The following EXOC1 variants were observed in gnomAD, a reference collection of about 807,000 sequenced individuals.
EXOC1 encodes the protein exocyst complex component 1, also known as SEC3-like 1.
A neutral mutation model predicts 107.7 loss-of-function variants in EXOC1; 67 were observed. The ratio of observed to expected loss-of-function variants is 0.62; its 90% CI spans 0.51 to 0.76. The LOEUF (loss-of-function observed/expected upper bound fraction) is 0.76, where lower values mean the gene tolerates loss of function less well. Ranked by LOEUF, EXOC1 falls within the 30% of genes least tolerant of loss-of-function variation. EXOC1 has a pLI of 0.00. For synonymous variants in EXOC1, 348 were observed against 353.5 expected (o/e 0.98, Z 0.17); for missense variants, 833 against 1,055.7 (o/e 0.79, Z 2.92).
chr4:55,901,480 A>G (rs1725906897), intron 17 of EXOC1, among the ~76,000 whole-genome samples: 1 of 152,076 alleles, frequency 6.6e-6, no homozygotes. Flanking sequence ...GTATATATAT[A>G]AAAGAAGACC....
At chr4:55,894,363 C>T (rs1236396864) in intron 15 of EXOC1, among the ~76,000 whole-genome samples, 1 of 151,070 alleles carries the variant, frequency 6.6e-6, no homozygotes, top group Admixed American at 6.6e-5. Flanking sequence ...TCACTGACAT[C>T]TCAGTTTATT....
chr4:55,874,167 A>T (rs1722686768), intron 8 of EXOC1, among the ~76,000 whole-genome samples: 1 of 152,178 alleles, frequency 6.6e-6, no homozygotes, highest in Admixed American at 6.5e-5. Flanking sequence ...CATGCAATAC[A>T]GTTTATAGCA....
At chr4:55,873,384 T>C (rs932065648) in intron 8 of EXOC1, among the ~76,000 whole-genome samples, 7 of 152,174 alleles carry the variant, frequency 4.6e-5, no homozygotes, top group African/African-American at 1.7e-4. Flanking sequence ...GAAATACTAA[T>C]TCATGTTTTT....
At chr4:55,883,773 T>C (rs1226110334) in intron 9 of EXOC1, 50 bp from the exon 10 acceptor site, 1 of 1,172,584 alleles carries the variant, frequency 8.5e-7, no homozygotes, top group East Asian at 2.9e-5. Flanking sequence ...AAAATTGAAA[T>C]TGTTATATGT....
intron 10 of EXOC1, among the ~76,000 whole-genome samples, chr4:55,884,368 TCTTA>T (rs1723679267): frequency 6.6e-6 from 1 of 152,324 alleles, no homozygotes; most frequent in South Asian, 2.1e-4. Flanking sequence ...GTTCCTGGCT[TCTTA>T]CTTCTCACTG....
rs764049101 is a variant in EXOC1, at chr4:55,883,885, A to T, written c.1287A>T (p.Ala429=). The T allele has an allele frequency of 3.1e-6, 5 of 1,608,434 alleles. No homozygotes were observed. The South Asian group carries it at 5.6e-5, about 18-fold the overall frequency. ...EREIKDFFEV[A]KIKMTGTTKE... ...AAATCAAAGATTTCTTTGAAGTTGC[A>T]AAGATCAAGATGACTGGCACAACTA... Residue 429 remains alanine (A), a synonymous_variant, in exon 10 of 19, where the codon GCA becomes GCT. Coordinates refer to ENST00000381295, the MANE Select transcript of EXOC1 (RefSeq NM_001024924.2).
At chr4:55,862,345 C>G (rs1721557440) in intron 3 of EXOC1, among the ~76,000 whole-genome samples, 1 of 151,408 alleles carries the variant, frequency 6.6e-6, no homozygotes, top group African/African-American at 2.4e-5. Flanking sequence ...TATGTAGGCA[C>G]CTTGGTGTGT....
At chr4:55,901,753 C>T (rs1329283357) in intron 17 of EXOC1, among the ~76,000 whole-genome samples, 1 of 152,080 alleles carries the variant, frequency 6.6e-6, no homozygotes, top group Non-Finnish European at 1.5e-5. Context: ...ACCTCATACA[C>T]TGTTGACAGA....
chr4:55,891,590 CA>C (rs1469371984), intron 13 of EXOC1, among the ~76,000 whole-genome samples, 168 bp downstream of exon 13: 1 of 151,956 alleles, frequency 6.6e-6, no homozygotes, highest in African/African-American at 2.4e-5. Context: ...TGTAATACCA[CA>C]AGATGATAAA....
At chr4:55,889,341 A>C (rs1275593450) in intron 11 of EXOC1, among the ~76,000 whole-genome samples, 1 of 152,198 alleles carries the variant, frequency 6.6e-6, no homozygotes, top group Non-Finnish European at 1.5e-5. Flanking sequence ...GATATTCAGG[A>C]AGGATGTTTT....
rs1723051353 is a variant in EXOC1 at position 55,877,947 on chromosome 4, C to T, written c.1105C>T (p.His369Tyr). Residue 369 changes from histidine (H) to tyrosine (Y), a missense_variant, in exon 9 of 19, where the codon CAC becomes TAC. By Grantham distance (83) the His-to-Tyr change is moderately conservative. Coordinates refer to ENST00000381295, the MANE Select transcript of EXOC1 (RefSeq NM_001024924.2). The stretch of plus-strand genomic sequence containing the variant: ...TGATCAGAGTTCGACTCTTGCCCAA[C>T]ACTCTGTTGAACTGACTTTACCCAA... ...GHDQSSTLAQ[H>Y]SVELTLPNHH... The T allele has an allele frequency of 1.2e-6, 2 of 1,613,842 alleles. No homozygotes were observed. Among genetic ancestry groups the T allele is most frequent in the Non-Finnish European group, 1.7e-6 (2 of 1,179,860 alleles).
At chr4:55,892,798 C>A in intron 14 of EXOC1, 87 bp downstream of exon 14, 1 of 1,255,732 alleles carries the variant, frequency 8.0e-7, no homozygotes, top group Non-Finnish European at 1.2e-6. Flanking sequence ...CTAGATGTTT[C>A]TCAGTAGCCT....
chr4:55,883,591 GA>G (rs1168683144), intron 9 of EXOC1: 2 of 337,320 alleles, frequency 5.9e-6, no homozygotes, highest in Admixed American at 9.9e-5. Flanking sequence ...ATAGAAAAAT[GA>G]AAATATAAAT....
chr4:55,883,821 A>T lies in EXOC1; in HGVS notation c.1225-2A>T. 1 of 1,546,466 alleles carries T rather than the reference A, an allele frequency of 6.5e-7. No homozygotes were observed. Among genetic ancestry groups the T allele is most frequent in the East Asian group, 2.3e-5 (1 of 43,188 alleles). On this transcript the variant is annotated splice_acceptor_variant, in intron 9 of 18. Transcript: ENST00000381295. LOFTEE classifies it high-confidence loss of function. Reference sequence around the variant, plus strand: ...AGAAGTACATGTTACTTTTATTTTAAGAATTACATGGATTATTTATCCCGA... The same window carrying T: ...AGAAGTACATGTTACTTTTATTTTATGAATTACATGGATTATTTATCCCGA...
intron 9 of EXOC1, among the ~76,000 whole-genome samples, chr4:55,881,862 T>C (rs569172106): frequency 6.6e-6 from 1 of 152,252 alleles, no homozygotes; most frequent in East Asian, 1.9e-4. Context: ...TTTATTTTCC[T>C]TTCACATTGT....
At position 55,868,338 on chromosome 4, in the gene EXOC1, T is replaced by C. The variant is rs772310350; in HGVS notation, c.418T>C (p.Ser140Pro). The change falls in exon 5 of 19, where the codon TCT (serine) becomes CCT (proline). Residue 140 changes from serine to proline, a missense_variant and splice_region_variant. Ser to Pro is a moderately conservative substitution (Grantham distance 74, BLOSUM62 -1). Transcript: ENST00000381295. ...CTTTGAATTTTTACCTCTTTAAGAA[T>C]CTGTTCCAAGTGGAGAAAATCAGAG... ...VNVSSQLLEE[S>P]VPSGENQSVT... 6.2e-7 allele frequency: 1 copy of C among 1,607,208 alleles called. No individual in the cohort carries two copies.
chr4:55,891,990 A>G (rs1560357152), intron 13 of EXOC1, among the ~76,000 whole-genome samples: 1 of 152,176 alleles, frequency 6.6e-6, no homozygotes, highest in Non-Finnish European at 1.5e-5. Flanking sequence ...AGAGAATAAG[A>G]TGAGAGAGTT....
intron 10 of EXOC1, among the ~76,000 whole-genome samples, chr4:55,887,329 T>C (rs1577742228): frequency 6.6e-6 from 1 of 152,148 alleles, no homozygotes; most frequent in East Asian, 1.9e-4. Context: ...AATACAATGC[T>C]GAATTCAGGG....
At chr4:55,890,943 G>T (rs1358797250) in intron 12 of EXOC1, among the ~76,000 whole-genome samples, 1 of 152,158 alleles carries the variant, frequency 6.6e-6, no homozygotes, top group East Asian at 1.9e-4. Flanking sequence ...GGCCAGGCTG[G>T]TTTCGAACTC....
Sources: allele counts gnomAD v4.1 joint callset (sites outside exome capture counted in the v4.1 genomes callset), GRCh38; gene constraint gnomAD v4.1.1; transcripts MANE v1.5; gene names NCBI Gene and HGNC (gene_info 2026-07-23, HGNC 2026-07-21).